CMTM7: variants seen among roughly 807,000 people sequenced by gnomAD.
CMTM7 encodes CKLF like MARVEL transmembrane domain containing 7, also known as CKLF-like MARVEL transmembrane domain-containing protein 7.
In CMTM7, 7 loss-of-function variants were observed where a neutral mutation model predicts 19.3. The ratio of observed to expected loss-of-function variants is 0.36; its 90% CI spans 0.21 to 0.68. The LOEUF (loss-of-function observed/expected upper bound fraction) is 0.68, where lower values mean the gene tolerates loss of function less well. Ranked by LOEUF, CMTM7 falls within the 30% of genes least tolerant of loss-of-function variation. CMTM7 has a pLI of 0.60. For synonymous variants in CMTM7, 87 were observed against 99.3 expected (o/e 0.88, Z 0.74); for missense variants, 193 against 232.6 (o/e 0.83, Z 1.11).
intron 1 of CMTM7, among the ~76,000 whole-genome samples, chr3:32,432,042 C>T (rs1194541765): frequency 6.6e-6 from 1 of 152,186 alleles, no homozygotes; most frequent in African/African-American, 2.4e-5. Context: ...CTTGAGGCCT[C>T]CCTCTGGGAT....
rs552165171 is a variant in CMTM7, at chr3:32,392,280, C to T, written c.159+215C>T. On this transcript the variant is annotated intron_variant, in intron 1 of 4. Transcript: ENST00000334983. Reference sequence around the variant, plus strand: ...TGGAGCTCAGTCCCCAGAGCCGCCCCGGCCCTTGCTCCCGCGGACCCAGGT... The same window carrying T: ...TGGAGCTCAGTCCCCAGAGCCGCCCTGGCCCTTGCTCCCGCGGACCCAGGT... Among the ~76,000 whole-genome samples, 97 of 152,368 alleles carry T rather than the reference C, an allele frequency of 6.4e-4. 1 individual carries two copies. The East Asian group carries it at 0.018, about 28-fold the overall frequency.
intron 1 of CMTM7, among the ~76,000 whole-genome samples, chr3:32,411,882 A>G (rs142224487): frequency 7.5e-4 from 113 of 151,594 alleles, no homozygotes; most frequent in African/African-American, 2.4e-3. Flanking sequence ...AGTTCGAACG[A>G]AGCTCCAGGC....
At chr3:32,417,699 G>A (rs935368422) in intron 1 of CMTM7, among the ~76,000 whole-genome samples, 8 of 152,074 alleles carry the variant, frequency 5.3e-5, no homozygotes, top group African/African-American at 1.9e-4. Flanking sequence ...GAGAGTTCTT[G>A]TTGTTTACCA....
At chr3:32,396,911 C>T (rs933675769) in intron 1 of CMTM7, among the ~76,000 whole-genome samples, 1 of 152,216 alleles carries the variant, frequency 6.6e-6, no homozygotes, top group African/African-American at 2.4e-5. Context: ...CCTACCAACA[C>T]GTCCTATCTA....
At chr3:32,417,738 T>C (rs1696288271) in intron 1 of CMTM7, among the ~76,000 whole-genome samples, 1 of 152,262 alleles carries the variant, frequency 6.6e-6, no homozygotes, top group Non-Finnish European at 1.5e-5. Context: ...ATTATCAGTA[T>C]TTTCTAGTTT....
chr3:32,409,210 G>T (rs1384118880), intron 1 of CMTM7, among the ~76,000 whole-genome samples: 2 of 152,030 alleles, frequency 1.3e-5, no homozygotes, highest in Non-Finnish European at 2.9e-5. Flanking sequence ...ATAATCCCAG[G>T]TTTACAAAAA....
chr3:32,454,670 T>G lies in CMTM7; in HGVS notation c.*416T>G. Reference sequence around the variant, plus strand: ...AAAGCCCTGTCCTAATTTATCTAGCTTGTCAGTCCGGTCTTAGAGATACCC... The same window carrying G: ...AAAGCCCTGTCCTAATTTATCTAGCGTGTCAGTCCGGTCTTAGAGATACCC... On this transcript the variant is annotated 3_prime_UTR_variant, in exon 5 of 5. Transcript: ENST00000334983. 2.8e-6 allele frequency: 1 copy of G among 362,298 alleles called. No homozygotes were observed. The highest frequency in any genetic ancestry group is 2.1e-5 in the South Asian group (1 of 47,470). The allele number at this position is 362,298 out of a possible 1,614,324, so 22.4% of individuals were successfully genotyped here.
chr3:32,452,352 C>T (rs1282906472), intron 3 of CMTM7, 40 bp from the exon 4 acceptor site: 7 of 1,614,046 alleles, frequency 4.3e-6, no homozygotes, highest in Middle Eastern at 1.7e-4. Flanking sequence ...GTAATTAGCC[C>T]TATGGCCTGT....
intron 1 of CMTM7, among the ~76,000 whole-genome samples, chr3:32,422,000 T>C (rs1336583711): frequency 6.7e-6 from 1 of 148,256 alleles, no homozygotes; most frequent in Non-Finnish European, 1.5e-5. Context: ...ACTGTCTGTG[T>C]TGAGTGACTG....
rs1319627847 is a variant in CMTM7 at position 32,454,517 on chromosome 3, C to T, written c.*263C>T. ...GCAGCCTCCAGGGAAATGTTTTCTG[C>T]CTTCCTGCTTCTAGAACCACCTCAG... On this transcript the variant is annotated 3_prime_UTR_variant, in exon 5 of 5. Coordinates refer to ENST00000334983, the MANE Select transcript of CMTM7 (RefSeq NM_138410.4). The T allele has an allele frequency of 4.4e-6, 3 of 680,680 alleles. No individual in the cohort carries two copies. Among genetic ancestry groups the T allele is most frequent in the South Asian group, 1.5e-5 (1 of 66,434 alleles). The allele number at this position is 680,680 out of a possible 1,614,324, so 42.2% of individuals were successfully genotyped here.
chr3:32,437,657 C>G (rs1173737131), intron 1 of CMTM7, among the ~76,000 whole-genome samples: 1 of 151,732 alleles, frequency 6.6e-6, no homozygotes, highest in East Asian at 1.9e-4. Context: ...CTTTGGGAGG[C>G]CAAGGCATGC....
At chr3:32,433,652 T>G (rs1184178713) in intron 1 of CMTM7, among the ~76,000 whole-genome samples, 1 of 152,132 alleles carries the variant, frequency 6.6e-6, no homozygotes, top group African/African-American at 2.4e-5. Context: ...AGCATGGTTC[T>G]CTCCTAAAGG....
intron 1 of CMTM7, among the ~76,000 whole-genome samples, chr3:32,414,430 G>C (rs1348109540): frequency 6.6e-6 from 1 of 152,144 alleles, no homozygotes. Context: ...TTAGGAAGAG[G>C]TGAAGTACAA....
At chr3:32,448,690 G>A (rs1353960442) in intron 2 of CMTM7, among the ~76,000 whole-genome samples, 1 of 151,998 alleles carries the variant, frequency 6.6e-6, no homozygotes, top group African/African-American at 2.4e-5. Flanking sequence ...AAGGCGAGAA[G>A]CAAAGGTGGA....
intron 1 of CMTM7, among the ~76,000 whole-genome samples, chr3:32,402,724 G>T (rs982387156): frequency 6.6e-6 from 1 of 151,990 alleles, no homozygotes; most frequent in Non-Finnish European, 1.5e-5. Context: ...CCGCTACTGC[G>T]CCCGGCTAAC....
rs2125643650 is a variant in CMTM7, at chr3:32,449,386, C to T, written c.334-68C>T. 1 of 1,009,192 alleles carries T rather than the reference C, an allele frequency of 9.9e-7. No individual in the cohort carries two copies. The highest frequency in any genetic ancestry group is 1.3e-5 in the South Asian group (1 of 78,940). 62.5% of individuals were successfully genotyped at this position (1,009,192 alleles called of 1,614,324 possible). A position where few individuals can be genotyped will look rare whatever the true frequency, so the allele number is the denominator to read the frequency against. On this transcript the variant is annotated intron_variant, in intron 2 of 4. Transcript: ENST00000334983. This position sits in a 1 kb window ranked among gnomAD's most constrained non-coding sequence, Gnocchi z 4.5. The stretch of plus-strand genomic sequence containing the variant: ...CCCTTTCTTTTCATGTCTTCTGATG[C>T]CCAGTTGCTCTTCCCGGACCAGAAA...
chr3:32,419,254 A>G (rs1002023136), intron 1 of CMTM7, among the ~76,000 whole-genome samples: 9 of 152,306 alleles, frequency 5.9e-5, no homozygotes, highest in African/African-American at 1.9e-4. Context: ...TGACATTACT[A>G]AAGTTATTTA....
In CMTM7 at chr3:32,449,402, G is replaced by A. The variant is rs2304594; in HGVS notation, c.334-52G>A. The A allele has an allele frequency of 0.093, 118,135 of 1,266,844 alleles. 5,857 individuals are homozygous for A. Among genetic ancestry groups the A allele is most frequent in the East Asian group, 0.14 (6,141 of 43,246 alleles). 78.5% of individuals were successfully genotyped at this position (1,266,844 alleles called of 1,614,324 possible). ...CTTCTGATGCCCAGTTGCTCTTCCC[G>A]GACCAGAAATGGACGGCCCTACCCA... On this transcript the variant is annotated intron_variant, in intron 2 of 4. Transcript: ENST00000334983. The surrounding 1 kb of genome is among the most constrained non-coding windows in gnomAD (Gnocchi z 4.5).
Position 32,442,016 on chromosome 3 carries a change from A to G in CMTM7, c.333+3A>G. 6.2e-7 allele frequency: 1 copy of G among 1,613,842 alleles called. No homozygotes were observed. Among genetic ancestry groups the G allele is most frequent in the Non-Finnish European group, 8.5e-7 (1 of 1,179,850 alleles). ...CCTGTATCAGCTGGCCCCTGTCGGT[A>G]AGAGAGTGGTCTGGCCCTGTCCTCC... On this transcript the variant is annotated splice_donor_region_variant and intron_variant, in intron 2 of 4. Coordinates refer to ENST00000334983, the MANE Select transcript of CMTM7 (RefSeq NM_138410.4).
Sources: gnomAD v4.1 joint callset for allele counts (sites outside exome capture counted in the v4.1 genomes callset) on GRCh38, gnomAD v4.1.1 for gene constraint, Gnocchi (gnomAD v3.1) non-coding constraint, MANE v1.5 for transcripts, NCBI Gene and HGNC (gene_info 2026-07-23, HGNC 2026-07-21) for gene names.